Variants in TBC1D9B observed in about 807,000 individuals in gnomAD.
The protein encoded by TBC1D9B is TBC1 domain family member 9B.
Under a neutral mutation model 121.1 loss-of-function variants are expected in TBC1D9B, and 87 were observed. That is an observed-to-expected ratio of 0.72 (90% CI 0.60 to 0.86). TBC1D9B has a LOEUF of 0.86. Among genes scored for constraint, TBC1D9B ranks in the 40% least tolerant of loss-of-function variants. The pLI is 0.00. For synonymous variants in TBC1D9B, 668 were observed against 670.1 expected (o/e 1.00, Z 0.05); for missense variants, 1,540 against 1,628.6 (o/e 0.95, Z 0.94).
chr5:179,901,171 T>A (rs1007936276), intron 2 of TBC1D9B, among the ~76,000 whole-genome samples: 1 of 152,174 alleles, frequency 6.6e-6, no homozygotes, highest in African/African-American at 2.4e-5. Flanking sequence ...CAGCTTGCAG[T>A]GAGTCACAAA....
intron 3 of TBC1D9B, among the ~76,000 whole-genome samples, chr5:179,894,871 TAA>T (rs1478114965): frequency 1.3e-5 from 2 of 152,136 alleles, no homozygotes; most frequent in Admixed American, 6.5e-5. Context: ...AGAGGCTTTT[TAA>T]AAAAATTAAG....
chr5:179,903,603 A>C (rs1286764887), intron 2 of TBC1D9B, among the ~76,000 whole-genome samples: 2 of 152,184 alleles, frequency 1.3e-5, no homozygotes, highest in Non-Finnish European at 2.9e-5. Context: ...ACTGTTTTAC[A>C]TGTGTTTCTG....
rs923246428 is a variant in TBC1D9B at position 179,885,889 on chromosome 5, G to A, written c.1254+2214C>T. 1.1e-4 allele frequency among the ~76,000 whole-genome samples: 17 copies of A among 152,140 alleles called. No individual in the cohort carries two copies. Among genetic ancestry groups the A allele is most frequent in the Non-Finnish European group, 1.3e-4 (9 of 68,022 alleles). On this transcript the variant is annotated intron_variant, in intron 7 of 20. Coordinates refer to ENST00000355235, the MANE Select transcript of TBC1D9B (RefSeq NM_015043.4). This position sits in a 1 kb window ranked among gnomAD's most constrained non-coding sequence, Gnocchi z 4.5. The stretch of plus-strand genomic sequence containing the variant: ...AAGCTGCAGCACTCACAGGGCCTAC[G>A]GGCTTTCGGTGACTTGGCCTTCTGC...
chr5:179,892,018 C>G (rs936167191), intron 5 of TBC1D9B, among the ~76,000 whole-genome samples: 1 of 152,188 alleles, frequency 6.6e-6, no homozygotes, highest in Non-Finnish European at 1.5e-5. Context: ...AGGTGAGGAG[C>G]TCCCCACAGG....
At position 179,862,342 on chromosome 5, in the gene TBC1D9B, C is replaced by T; in HGVS notation, c.*1106G>A. On this transcript the variant is annotated 3_prime_UTR_variant, in exon 21 of 21. Transcript: ENST00000355235. ...ACTGGACACTGGTCAGTTTCAGCTC[C>T]TCATGCAAAGTGAGGGTATCCTTGT... 3.1e-6 allele frequency: 1 copy of T among 327,418 alleles called. No individual in the cohort carries two copies. Among genetic ancestry groups the T allele is most frequent in the East Asian group, 7.6e-5 (1 of 13,156 alleles). 20.3% of individuals were successfully genotyped at this position (327,418 alleles called of 1,614,324 possible).
intron 3 of TBC1D9B, among the ~76,000 whole-genome samples, chr5:179,895,230 T>G (rs1359702545): frequency 1.3e-5 from 2 of 152,208 alleles, no homozygotes; most frequent in East Asian, 3.8e-4. Flanking sequence ...ATAAACATGG[T>G]AAAAAATGCA....
At chr5:179,868,736 T>C (rs1248652145) in intron 17 of TBC1D9B, 5 of 152,396 alleles carry the variant, frequency 3.3e-5, no homozygotes, top group Non-Finnish European at 7.3e-5. Flanking sequence ...CACCAAGCAG[T>C]ACCCAGGGTT....
At position 179,869,771 on chromosome 5, in the gene TBC1D9B, G is replaced by A. The variant is rs142317481; in HGVS notation, c.2789C>T (p.Pro930Leu). ...GGGAGTGGGCAGGAGGCTCTCACCT[G>A]GGGGAAGGTGTAGCTTGTAGAGCAC... ...LKVLYKLHLP[P>L]ALSPEEAESA... The change falls in exon 17 of 21, where the codon CCA becomes CTA. Residue 930 changes from proline to leucine, a missense_variant and splice_region_variant. Pro to Leu is a moderately conservative substitution (Grantham distance 98). Transcript: ENST00000355235. 40 of 1,608,962 alleles carry A rather than the reference G, an allele frequency of 2.5e-5. No individual in the cohort carries two copies. The African/African-American group carries it at 3.7e-4, about 15-fold the overall frequency.
At chr5:179,884,844 G>T (rs1760633955) in intron 7 of TBC1D9B, among the ~76,000 whole-genome samples, 1 of 152,196 alleles carries the variant, frequency 6.6e-6, no homozygotes, top group Non-Finnish European at 1.5e-5. Context: ...CTTGCCAGGG[G>T]CTGGGGGAGT....
At chr5:179,883,548 T>C (rs1232581544) in intron 7 of TBC1D9B, among the ~76,000 whole-genome samples, 3 of 152,178 alleles carry the variant, frequency 2.0e-5, no homozygotes, top group Admixed American at 2.0e-4. Context: ...TTTTTTCTTA[T>C]TTCCTCCTGA....
intron 16 of TBC1D9B, 60 bp downstream of exon 16, chr5:179,870,195 A>G: frequency 3.1e-6 from 5 of 1,594,694 alleles, no homozygotes; most frequent in Non-Finnish European, 4.3e-6. Context: ...TGGCATTTGG[A>G]GGCTTCCTGG....
rs747439498 is a variant in TBC1D9B, at chr5:179,891,424, G to A, written c.999C>T (p.Ala333=). 29 of 1,614,132 alleles carry A rather than the reference G, an allele frequency of 1.8e-5. No homozygotes were observed. The Admixed American group carries it at 4.5e-4, about 25-fold the overall frequency. Residue 333 remains alanine, a synonymous_variant, in exon 6 of 21, where the codon GCC becomes GCT. Coordinates refer to ENST00000355235, the MANE Select transcript of TBC1D9B (RefSeq NM_015043.4). The surrounding 1 kb of genome is among the most constrained non-coding windows in gnomAD (Gnocchi z 4.3). ...GGTGGCAAGCGTCCTCCTCCTTGCTGGCGAAGCAGATGTAGTTGTTGGAGA... is the reference window on the plus strand; with the variant it reads ...GGTGGCAAGCGTCCTCCTCCTTGCTAGCGAAGCAGATGTAGTTGTTGGAGA... ...MFISNNYICF[A]SKEEDACHLI... is the part of the protein sequence containing the mutation.
chr5:179,874,045 C>T lies in TBC1D9B; in HGVS notation c.2187-797G>A, dbSNP rs1752001975. 6.6e-6 allele frequency among the ~76,000 whole-genome samples: 1 copy of T among 152,170 alleles called. No homozygotes were observed. Among genetic ancestry groups the T allele is most frequent in the South Asian group, 2.1e-4 (1 of 4,828 alleles). On this transcript the variant is annotated intron_variant, in intron 12 of 20. Transcript: ENST00000355235. This position sits in a 1 kb window ranked among gnomAD's most constrained non-coding sequence, Gnocchi z 4.3. ...AGTCCCAGGCAGCACCTGGCCTGGC[C>T]ATGGGCAAGTGGCAGAGTCCCAGGC...
chr5:179,893,252 G>A lies in TBC1D9B; in HGVS notation c.793C>T (p.Pro265Ser), dbSNP rs1274866657. The change falls in exon 5 of 21, where the codon CCT becomes TCT. Residue 265 changes from proline (P) to serine (S), a missense_variant. Transcript: ENST00000355235. ...SEGFLEDKAL[P>S]RPIRPHRNIS... Reference sequence around the variant, plus strand: ...TTCCTGTGTGGCCGGATGGGCCTAGGCAGGGCCTTGTCCTCCAGGAAGCCC... The same window carrying A: ...TTCCTGTGTGGCCGGATGGGCCTAGACAGGGCCTTGTCCTCCAGGAAGCCC... 2 of 1,613,250 alleles carry A rather than the reference G, an allele frequency of 1.2e-6. No homozygotes were observed. The highest frequency in any genetic ancestry group is 1.3e-5 in the African/African-American group (1 of 74,946).
At position 179,885,723 on chromosome 5, in the gene TBC1D9B, C is replaced by T. The variant is rs72813752; in HGVS notation, c.1254+2380G>A. Among the ~76,000 whole-genome samples the T allele has an allele frequency of 4.1e-3, 621 of 152,330 alleles. No homozygotes were observed. The highest frequency in any genetic ancestry group is 6.8e-3 in the Middle Eastern group (2 of 294). ...CGCTGGATTTCCAGTGCTCCATGGC[C>T]ACACGTGGCTGCTGTACTAGACGGG... On this transcript the variant is annotated intron_variant, in intron 7 of 20. Transcript: ENST00000355235. This position sits in a 1 kb window ranked among gnomAD's most constrained non-coding sequence, Gnocchi z 4.5.
chr5:179,888,337 G>A, intron 6 of TBC1D9B, 25 bp from the exon 7 acceptor site: 1 of 1,610,132 alleles, frequency 6.2e-7, no homozygotes, highest in Non-Finnish European at 8.5e-7. Flanking sequence ...GAACTCTTTT[G>A]GGTGTCTGCA....
At position 179,907,779 on chromosome 5, in the gene TBC1D9B, A is replaced by T; in HGVS notation, c.43T>A (p.Trp15Arg). ...AAGGGGTTGGCCCGCTCCGTCACCC[A>T]CAGCGCATTGGCCACCAGCACCTCC... ...PEEVLVANAL[W>R]VTERANPFFV... The change falls in exon 1 of 21, where the codon TGG becomes AGG. Residue 15 changes from tryptophan (W) to arginine (R), a missense_variant. Physicochemically the swap from Trp to Arg is moderately radical, Grantham distance 101 (BLOSUM62 -3). Transcript: ENST00000355235. This position sits in a 1 kb window ranked among gnomAD's most constrained non-coding sequence, Gnocchi z 5.3. 1 of 1,229,904 alleles carries T rather than the reference A, an allele frequency of 8.1e-7. No homozygotes were observed. Among genetic ancestry groups the T allele is most frequent in the Non-Finnish European group, 1.0e-6 (1 of 957,934 alleles). 76.2% of individuals were successfully genotyped at this position (1,229,904 alleles called of 1,614,324 possible).
At position 179,892,943 on chromosome 5, in the gene TBC1D9B, C is replaced by T. The variant is rs137922918; in HGVS notation, c.836+266G>A. Reference sequence around the variant, plus strand: ...TGATACCTAGGGATGGTAAGAGCCCCTTCCCATCATAGGGCCAAGAGGAAT... The same window carrying T: ...TGATACCTAGGGATGGTAAGAGCCCTTTCCCATCATAGGGCCAAGAGGAAT... On this transcript the variant is annotated intron_variant, in intron 5 of 20. Transcript: ENST00000355235. 8.3e-4 allele frequency among the ~76,000 whole-genome samples: 127 copies of T among 152,350 alleles called. 2 individuals are homozygous for T. The East Asian group carries it at 0.021, about 26-fold the overall frequency.
chr5:179,880,831 T>C (rs1194503428), intron 7 of TBC1D9B, among the ~76,000 whole-genome samples: 1 of 151,922 alleles, frequency 6.6e-6, no homozygotes, highest in Non-Finnish European at 1.5e-5. Flanking sequence ...TGGGTCCACT[T>C]AAACAAATGT....
Sources: gnomAD v4.1 joint callset for allele counts (sites outside exome capture counted in the v4.1 genomes callset) on GRCh38, gnomAD v4.1.1 for gene constraint, Gnocchi (gnomAD v3.1) non-coding constraint, MANE v1.5 for transcripts, NCBI Gene and HGNC (gene_info 2026-07-23, HGNC 2026-07-21) for gene names.